Variants in CACNA1I observed in about 807,000 individuals in gnomAD.
The protein encoded by CACNA1I is voltage-dependent T-type calcium channel subunit alpha-1I.
A neutral mutation model predicts 201.6 loss-of-function variants in CACNA1I; 74 were observed. The ratio of observed to expected loss-of-function variants is 0.37; its 90% CI spans 0.30 to 0.45. The LOEUF is 0.45. Ranked by LOEUF, CACNA1I falls within the 20% of genes least tolerant of loss-of-function variation. The probability of loss-of-function intolerance (pLI) is 1.00; values close to 1 mark genes in which losing one functional copy is unlikely to be tolerated. For synonymous variants in CACNA1I, 1,431 were observed against 1,345.2 expected, an observed-to-expected ratio of 1.06 and a Z score of -1.40; for missense variants, 2,346 against 3,138.1, an observed-to-expected ratio of 0.75 and a Z score of 6.03.
intron 5 of CACNA1I, among the ~76,000 whole-genome samples, chr22:39,639,271 C>T (rs887476471): frequency 2.0e-5 from 3 of 152,188 alleles, no homozygotes; most frequent in Non-Finnish European, 2.9e-5. Context: ...GTTTGCCTAC[C>T]TCTGCTTTAT....
intron 3 of CACNA1I, among the ~76,000 whole-genome samples, chr22:39,610,300 G>C (rs944235539): frequency 2.6e-5 from 4 of 152,144 alleles, no homozygotes; most frequent in Non-Finnish European, 5.9e-5. Context: ...TTTGTTTCCT[G>C]TCTGTTGCAC....
At chr22:39,645,544 G>T (rs1934463665) in intron 7 of CACNA1I, among the ~76,000 whole-genome samples, 1 of 152,166 alleles carries the variant, frequency 6.6e-6, no homozygotes, top group African/African-American at 2.4e-5. Flanking sequence ...CTGAGACAAG[G>T]ATGGGATGCC....
rs1486684069 is a variant in CACNA1I at position 39,648,172 on chromosome 22, C to T, written c.1567+246C>T. The stretch of plus-strand genomic sequence containing the variant: ...CTTCCAGCTCTCACAGTCTGGGAAT[C>T]GATTCTTGGGAGGCAAGCAGAAGAA... On this transcript the variant is annotated intron_variant, in intron 9 of 36. Transcript: ENST00000402142. This position sits in a 1 kb window ranked among gnomAD's most constrained non-coding sequence, Gnocchi z 5.4. Among the ~76,000 whole-genome samples the T allele has an allele frequency of 6.6e-6, 1 of 152,104 alleles. No individual in the cohort carries two copies. Among genetic ancestry groups the T allele is most frequent in the African/African-American group, 2.4e-5 (1 of 41,446 alleles).
In CACNA1I at chr22:39,679,321, G is replaced by A. The variant is rs1935613004; in HGVS notation, c.5270G>A (p.Gly1757Asp). 1 of 1,552,884 alleles carries A rather than the reference G, an allele frequency of 6.4e-7. No individual in the cohort carries two copies. The highest frequency in any genetic ancestry group is 1.2e-5 in the South Asian group (1 of 84,226). ...DAELELEMAH[G>D]LGPGPRLPTG... is the part of the protein sequence containing the mutation. ...GAGCTCGAGCTGGAGATGGCCCATG[G>A]CCTGGGCCCTGGCCCGAGGCTGCCT... Residue 1757 changes from glycine to aspartate, a missense_variant, in exon 32 of 37, where the codon GGC becomes GAC. By Grantham distance (94) the Gly-to-Asp change is moderately conservative (BLOSUM62 -1). This residue lies in a region of CACNA1I where 441 missense variants were observed against 555.6 expected (regional missense o/e 0.79). Coordinates refer to ENST00000402142, the MANE Select transcript of CACNA1I (RefSeq NM_021096.4).
chr22:39,622,724 G>A (rs921416063), intron 4 of CACNA1I, among the ~76,000 whole-genome samples: 25 of 151,336 alleles, frequency 1.7e-4, no homozygotes, highest in South Asian at 6.3e-4. Flanking sequence ...GTGGGTGGGA[G>A]AGGGACTGCT....
rs200301310 is a variant in CACNA1I, at chr22:39,659,895, C to T, written c.2604+43C>T. On this transcript the variant is annotated intron_variant, in intron 14 of 36. Transcript: ENST00000402142. The surrounding 1 kb of genome is among the most constrained non-coding windows in gnomAD (Gnocchi z 4.3). ...AGAGGAAGCACCCCCACAGGGTCTG[C>T]GAAAGACTGGGCGAGGGAGAGGTGG... is the stretch of plus-strand genomic sequence containing the variant. 7.5e-6 allele frequency: 12 copies of T among 1,610,474 alleles called. No homozygotes were observed. Among genetic ancestry groups the T allele is most frequent in the East Asian group, 4.5e-5 (2 of 44,834 alleles).
chr22:39,668,633 CA>C (rs1224610825), intron 24 of CACNA1I, among the ~76,000 whole-genome samples: 6 of 152,294 alleles, frequency 3.9e-5, no homozygotes, highest in African/African-American at 1.4e-4. Flanking sequence ...ATCTGAGCTG[CA>C]CCCTGCCTGG....
At chr22:39,575,936 G>A (rs1018771375) in intron 1 of CACNA1I, among the ~76,000 whole-genome samples, 10 of 152,030 alleles carry the variant, frequency 6.6e-5, no homozygotes, top group African/African-American at 2.4e-4. Context: ...CACCATGCCG[G>A]GCTAATTTTG....
chr22:39,628,940 T>G (rs1356515489), intron 4 of CACNA1I, among the ~76,000 whole-genome samples: 3 of 152,044 alleles, frequency 2.0e-5, no homozygotes, highest in Non-Finnish European at 4.4e-5. Context: ...GGCTGACAGC[T>G]CCCCTCTGCC....
intron 28 of CACNA1I, among the ~76,000 whole-genome samples, chr22:39,673,575 G>A (rs567612425): frequency 6.6e-6 from 1 of 152,326 alleles, no homozygotes; most frequent in South Asian, 2.1e-4. Flanking sequence ...TCTTCTGCCT[G>A]CCAGAAACTC....
intron 1 of CACNA1I, among the ~76,000 whole-genome samples, chr22:39,592,687 C>A (rs1169776277): frequency 6.6e-6 from 1 of 152,204 alleles, no homozygotes; most frequent in Non-Finnish European, 1.5e-5. Flanking sequence ...CTCTGTCACC[C>A]AGAAATCCTG....
At chr22:39,635,185 A>G (rs1416625693) in intron 5 of CACNA1I, among the ~76,000 whole-genome samples, 4 of 152,196 alleles carry the variant, frequency 2.6e-5, no homozygotes, top group Non-Finnish European at 4.4e-5. Context: ...ACCTGCGTGT[A>G]TGTGTTTGGA....
Position 39,663,710 on chromosome 22 carries a change from C to CCCCCCCCCT in CACNA1I, c.3474-8_3474-7insCCCCCCCCT. On this transcript the variant is annotated splice_region_variant and splice_polypyrimidine_tract_variant and intron_variant, in intron 18 of 36. Coordinates refer to ENST00000402142, the MANE Select transcript of CACNA1I (RefSeq NM_021096.4). Reference sequence around the variant, plus strand: ...GACGCTCAGGCAGCCCCCGCCCACCCTGCCCAGGTTCCGGGTCCTGTGTCA... The same window carrying CCCCCCCCCT: ...GACGCTCAGGCAGCCCCCGCCCACCCCCCCCCCCTTGCCCAGGTTCCGGGTCCTGTGTCA... 1.3e-6 allele frequency: 2 copies of CCCCCCCCCT among 1,579,520 alleles called. No individual in the cohort carries two copies. The highest frequency in any genetic ancestry group is 1.7e-6 in the Non-Finnish European group (2 of 1,149,512).
chr22:39,639,908 T>C (rs1332152001), intron 5 of CACNA1I, among the ~76,000 whole-genome samples: 1 of 152,236 alleles, frequency 6.6e-6, no homozygotes, highest in Non-Finnish European at 1.5e-5. Context: ...GGTTTCTGTT[T>C]ATCTCTCTCC....
intron 26 of CACNA1I, among the ~76,000 whole-genome samples, 198 bp downstream of exon 26, chr22:39,671,152 G>A (rs1275993273): frequency 1.3e-5 from 2 of 152,220 alleles, no homozygotes; most frequent in East Asian, 1.9e-4. Flanking sequence ...TCAGAGTCTG[G>A]AAGGGAACGG....
chr22:39,621,449 C>T (rs79890711), intron 4 of CACNA1I, among the ~76,000 whole-genome samples: 1,597 of 152,334 alleles, frequency 0.01, 28 homozygotes, highest in African/African-American at 0.036. Flanking sequence ...GTGGGGCTGG[C>T]CTGACCCCGG....
chr22:39,677,693 G>T lies in CACNA1I; in HGVS notation c.4933+274G>T, dbSNP rs553435268. 6.6e-6 allele frequency among the ~76,000 whole-genome samples: 1 copy of T among 152,338 alleles called. No homozygotes were observed. The highest frequency in any genetic ancestry group is 2.1e-4 in the South Asian group (1 of 4,832). ...CAGAGCGCTCGCTGAGCTCCGCCCTGCACCGGGATGGCTCCAGAAAGCAGG... is the reference window on the plus strand; with the variant it reads ...CAGAGCGCTCGCTGAGCTCCGCCCTTCACCGGGATGGCTCCAGAAAGCAGG... On this transcript the variant is annotated intron_variant, in intron 30 of 36. Transcript: ENST00000402142. This position sits in a 1 kb window ranked among gnomAD's most constrained non-coding sequence, Gnocchi z 4.8.
intron 17 of CACNA1I, among the ~76,000 whole-genome samples, 151 bp downstream of exon 17, chr22:39,662,586 AG>A (rs570063446): frequency 6.6e-6 from 1 of 151,262 alleles, no homozygotes; most frequent in Non-Finnish European, 1.5e-5. Flanking sequence ...GTGAGGCAGG[AG>A]GGGTGGGGCC....
intron 1 of CACNA1I, among the ~76,000 whole-genome samples, chr22:39,589,016 A>G (rs1235634522): frequency 6.6e-6 from 1 of 152,100 alleles, no homozygotes; most frequent in African/African-American, 2.4e-5. Context: ...TTTGAGCTGG[A>G]TGATTCTTTG....
Sources: gnomAD v4.1 joint callset for allele counts (sites outside exome capture counted in the v4.1 genomes callset) on GRCh38, gnomAD v4.1.1 for gene constraint, gnomAD v4.1.1 regional missense constraint, Gnocchi (gnomAD v3.1) non-coding constraint, MANE v1.5 for transcripts, NCBI Gene and HGNC (gene_info 2026-07-23, HGNC 2026-07-21) for gene names.